Variants in SCARA5 observed in about 807,000 individuals in gnomAD.
SCARA5 encodes scavenger receptor class A member 5, also known as scavenger receptor class A, member 5 (putative).
In SCARA5, 45 loss-of-function variants were observed where a neutral mutation model predicts 46.3. That is an observed-to-expected ratio of 0.97 (90% CI 0.76 to 1.24). The LOEUF is 1.24. Ranked by LOEUF, SCARA5 falls within the 50% of genes most tolerant of loss-of-function variation. SCARA5 has a pLI of 0.00. For synonymous variants in SCARA5, 333 were observed against 306.5 expected (o/e 1.09, Z -0.90); for missense variants, 680 against 689.0 (o/e 0.99, Z 0.15).
chr8:27,910,483 C>T (rs1242376586), intron 4 of SCARA5, among the ~76,000 whole-genome samples: 2 of 152,190 alleles, frequency 1.3e-5, no homozygotes, highest in South Asian at 2.1e-4. Flanking sequence ...CTTAGAGACC[C>T]GGCCTGAGTG....
intron 2 of SCARA5, among the ~76,000 whole-genome samples, chr8:27,976,913 C>A (rs149634269): frequency 1.3e-5 from 2 of 152,320 alleles, no homozygotes; most frequent in East Asian, 3.9e-4. Flanking sequence ...CTGAGGCCAC[C>A]CAGCAGGATC....
Position 27,871,625 on chromosome 8 carries a change from G to C in SCARA5, c.*309C>G. The C allele has an allele frequency of 8.0e-7, 1 of 1,248,188 alleles. No homozygotes were observed. Among genetic ancestry groups the C allele is most frequent in the Non-Finnish European group, 1.0e-6 (1 of 987,826 alleles). The allele number at this position is 1,248,188 out of a possible 1,614,324, so 77.3% of individuals were successfully genotyped here. A position where few individuals can be genotyped will look rare whatever the true frequency, so the allele number is the denominator to read the frequency against. On this transcript the variant is annotated 3_prime_UTR_variant, in exon 9 of 9. Transcript: ENST00000354914. The stretch of plus-strand genomic sequence containing the variant: ...GTAACTAAAAGGCCAAAGGGAACTG[G>C]GATATTGAGGCCTGGTGCATGGTGT...
chr8:27,880,477 A>G (rs1035385740), intron 7 of SCARA5, among the ~76,000 whole-genome samples: 25 of 152,122 alleles, frequency 1.6e-4, no homozygotes, highest in African/African-American at 6.0e-4. Flanking sequence ...CTATGCATTC[A>G]CCAAAGGTCT....
chr8:27,987,420 A>C (rs1004191156), intron 2 of SCARA5, 84 bp downstream of exon 2: 1 of 872,178 alleles, frequency 1.1e-6, no homozygotes, highest in African/African-American at 1.6e-5. Flanking sequence ...ACTTAAAGGC[A>C]ATGCCAAGGT....
chr8:27,949,777 C>A (rs946778625), intron 3 of SCARA5, among the ~76,000 whole-genome samples: 1 of 152,220 alleles, frequency 6.6e-6, no homozygotes, highest in South Asian at 2.1e-4. Context: ...TCTGAGTCCT[C>A]CCCTACAGCC....
chr8:27,936,846 G>A lies in SCARA5; in HGVS notation c.242-14601C>T, dbSNP rs915607683. On this transcript the variant is annotated intron_variant, in intron 3 of 8. Transcript: ENST00000354914. ...TGTATTTATTACTGTGCCCAGAGGCGGGGCTGGCTACTTTGTGCCCTGGCC... is the reference window on the plus strand; with the variant it reads ...TGTATTTATTACTGTGCCCAGAGGCAGGGCTGGCTACTTTGTGCCCTGGCC... 7.2e-5 allele frequency among the ~76,000 whole-genome samples: 11 copies of A among 152,080 alleles called. No homozygotes were observed. The East Asian group carries it at 9.6e-4, about 13-fold the overall frequency.
At chr8:27,976,430 G>A (rs969175510) in intron 2 of SCARA5, among the ~76,000 whole-genome samples, 2 of 152,066 alleles carry the variant, frequency 1.3e-5, no homozygotes, top group African/African-American at 4.8e-5. Context: ...TCCCCTCCTG[G>A]CCCTTTGTCA....
intron 3 of SCARA5, among the ~76,000 whole-genome samples, chr8:27,938,663 A>ATGGGCGGGAGG (rs1807894312): frequency 6.6e-6 from 1 of 152,196 alleles, no homozygotes; most frequent in African/African-American, 2.4e-5. Context: ...ACACGGAGAG[A>ATGGGCGGGAGG]GATGGGCGTG....
intron 2 of SCARA5, among the ~76,000 whole-genome samples, chr8:27,972,982 C>T (rs141649854): frequency 5.3e-5 from 8 of 152,336 alleles, no homozygotes; most frequent in African/African-American, 1.4e-4. Flanking sequence ...TATCTCTTTA[C>T]CTCTCTGGCG....
At chr8:27,886,747 C>T (rs10104456) in intron 7 of SCARA5, among the ~76,000 whole-genome samples, 54,215 of 152,048 alleles carry the variant, frequency 0.36, 10,416 homozygotes, top group African/African-American at 0.48. Context: ...CTGCTTTTTC[C>T]CGGCAGTTTC....
intron 7 of SCARA5, among the ~76,000 whole-genome samples, chr8:27,885,265 C>T (rs1432095790): frequency 2.6e-5 from 4 of 152,156 alleles, no homozygotes; most frequent in South Asian, 2.1e-4. Flanking sequence ...TGAGGAAGGA[C>T]GTGGACTCCC....
Position 27,902,749 on chromosome 8 carries a change from C to T in SCARA5, c.1153+2029G>A, listed in dbSNP as rs78421303. Among the ~76,000 whole-genome samples the T allele has an allele frequency of 3.5e-3, 539 of 152,182 alleles. 4 individuals carry two copies. The highest frequency in any genetic ancestry group is 0.012 in the African/African-American group (502 of 41,520). On this transcript the variant is annotated intron_variant, in intron 7 of 8. Transcript: ENST00000354914. The stretch of plus-strand genomic sequence containing the variant: ...AACAGAGCAGGGAAAAACAGCACCC[C>T]GAAGACAGCATTCAGGACCCAGCCC...
chr8:27,957,643 C>T (rs1808225927), intron 3 of SCARA5, among the ~76,000 whole-genome samples: 2 of 152,248 alleles, frequency 1.3e-5, no homozygotes, highest in South Asian at 4.1e-4. Context: ...TCACGCCATT[C>T]CCAGCTGCAG....
At chr8:27,963,171 C>T (rs1317250429) in intron 3 of SCARA5, among the ~76,000 whole-genome samples, 1 of 152,156 alleles carries the variant, frequency 6.6e-6, no homozygotes, top group East Asian at 1.9e-4. Context: ...GATGACCACA[C>T]CCAGTCACCA....
At chr8:27,965,345 G>C (rs529732268) in intron 3 of SCARA5, among the ~76,000 whole-genome samples, 1 of 152,208 alleles carries the variant, frequency 6.6e-6, no homozygotes, top group African/African-American at 2.4e-5. Context: ...GGCTTCACCC[G>C]AGGGCCCCTC....
At position 27,921,590 on chromosome 8, in the gene SCARA5, C is replaced by T; in HGVS notation, c.897G>A (p.Arg299=). Residue 299 remains arginine, a synonymous_variant, in exon 4 of 9, where the codon CGG becomes CGA. Transcript: ENST00000354914. Reference sequence around the variant, plus strand: ...CGGTACCTTTCGCGAGGGAGATGTTCCGCAGTGCGATGGAGTGCTCCCAGT... The same window carrying T: ...CGGTACCTTTCGCGAGGGAGATGTTTCGCAGTGCGATGGAGTGCTCCCAGT... ...LKDWEHSIAL[R]NISLAKGPPG... 6.4e-7 allele frequency: 1 copy of T among 1,562,618 alleles called. No individual in the cohort carries two copies. Among genetic ancestry groups the T allele is most frequent in the East Asian group, 2.4e-5 (1 of 42,402 alleles).
intron 3 of SCARA5, among the ~76,000 whole-genome samples, chr8:27,950,213 AG>A (rs1808102388): frequency 6.6e-6 from 1 of 151,440 alleles, no homozygotes; most frequent in Non-Finnish European, 1.5e-5. Context: ...GGGCTGAGGC[AG>A]GGACACCCAC....
chr8:27,950,131 G>C (rs1236519762), intron 3 of SCARA5, among the ~76,000 whole-genome samples: 2 of 152,144 alleles, frequency 1.3e-5, no homozygotes, highest in Non-Finnish European at 2.9e-5. Context: ...CTTGCAGCCA[G>C]GGCAGGTGCA....
chr8:27,958,668 A>T (rs1273789044), intron 3 of SCARA5, among the ~76,000 whole-genome samples: 1 of 152,254 alleles, frequency 6.6e-6, no homozygotes, highest in East Asian at 1.9e-4. Context: ...GTCCAGAGCC[A>T]AACAGATCCA....
Sources: allele counts gnomAD v4.1 joint callset (sites outside exome capture counted in the v4.1 genomes callset), GRCh38; gene constraint gnomAD v4.1.1; transcripts MANE v1.5; gene names NCBI Gene and HGNC (gene_info 2026-07-23, HGNC 2026-07-21).